STIM1: variants seen among roughly 807,000 people sequenced by gnomAD.
STIM1 encodes stromal interaction molecule 1.
A neutral mutation model predicts 74.7 loss-of-function variants in STIM1; 25 were observed. The ratio of observed to expected loss-of-function variants is 0.33; its 90% CI spans 0.24 to 0.47. The LOEUF (loss-of-function observed/expected upper bound fraction) is 0.47. Among genes scored for constraint, STIM1 ranks in the 20% least tolerant of loss-of-function variants. The pLI is 1.00. For synonymous variants in STIM1, 328 were observed against 348.8 expected (o/e 0.94, Z 0.66); for missense variants, 728 against 920.8 (o/e 0.79, Z 2.71).
chr11:4,020,446 T>C (rs1167999456), intron 2 of STIM1, among the ~76,000 whole-genome samples: 1 of 152,210 alleles, frequency 6.6e-6, no homozygotes, highest in Non-Finnish European at 1.5e-5. Context: ...TTTCTCTATA[T>C]CCTTGGCAGC....
intron 1 of STIM1, among the ~76,000 whole-genome samples, chr11:3,924,527 C>G (rs2092764382): frequency 6.6e-6 from 1 of 151,922 alleles, no homozygotes; most frequent in African/African-American, 2.4e-5. Flanking sequence ...TTTTTTCCCC[C>G]CTAAGTATTT....
intron 1 of STIM1, among the ~76,000 whole-genome samples, chr11:3,871,568 C>T (rs1426268094): frequency 1.3e-5 from 2 of 152,146 alleles, no homozygotes; most frequent in African/African-American, 2.4e-5. Flanking sequence ...AGGAGGAATA[C>T]AAGATTTTCT....
In STIM1 at chr11:3,856,123, AG is replaced by A. The variant is rs778203180; in HGVS notation, c.-143del. 33 of 1,011,026 alleles carry A rather than the reference AG, an allele frequency of 3.3e-5. No individual in the cohort carries two copies. The highest frequency in any genetic ancestry group is 1.8e-4 in the South Asian group (13 of 72,968). 62.6% of individuals were successfully genotyped at this position (1,011,026 alleles called of 1,614,324 possible). A position where few individuals can be genotyped will look rare whatever the true frequency, so the allele number is the denominator to read the frequency against. ...GGAGCACTTGACCTTTGGCTGTTGG[AG>A]GGGGCAGGCTCGCGGGTGGCTGGAC... On this transcript the variant is annotated 5_prime_UTR_variant, in exon 1 of 13. Coordinates refer to ENST00000526596, the MANE Select transcript of STIM1 (RefSeq NM_001382567.1).
At chr11:3,995,992 C>G (rs554552905) in intron 2 of STIM1, among the ~76,000 whole-genome samples, 2 of 152,256 alleles carry the variant, frequency 1.3e-5, no homozygotes, top group South Asian at 4.1e-4. Flanking sequence ...AGCAAATTCT[C>G]TAGTCTACAG....
At chr11:3,910,351 G>A (rs562732304) in intron 1 of STIM1, among the ~76,000 whole-genome samples, 12 of 152,288 alleles carry the variant, frequency 7.9e-5, no homozygotes, top group African/African-American at 2.2e-4. Flanking sequence ...AGTATCTGGC[G>A]TATCCATCTG....
At chr11:4,004,038 G>A (rs927791185) in intron 2 of STIM1, among the ~76,000 whole-genome samples, 2 of 152,162 alleles carry the variant, frequency 1.3e-5, no homozygotes, top group Non-Finnish European at 2.9e-5. Flanking sequence ...TAGAAGGGAC[G>A]TGAATGACCT....
intron 1 of STIM1, among the ~76,000 whole-genome samples, chr11:3,891,742 T>C (rs990930893): frequency 6.6e-6 from 1 of 152,216 alleles, no homozygotes; most frequent in Non-Finnish European, 1.5e-5. Flanking sequence ...TTTTTACCAA[T>C]GTGTTTATCT....
chr11:3,969,438 T>C (rs191088037), intron 2 of STIM1, among the ~76,000 whole-genome samples: 13 of 152,166 alleles, frequency 8.5e-5, no homozygotes, highest in African/African-American at 3.1e-4. Flanking sequence ...ACTATGATCA[T>C]GCCATTGCAC....
At chr11:3,964,447 T>C (rs912406958) in intron 1 of STIM1, among the ~76,000 whole-genome samples, 1 of 152,340 alleles carries the variant, frequency 6.6e-6, no homozygotes. Context: ...AATCCTTCTC[T>C]ATGTCATCTG....
chr11:4,024,068 A>G (rs2093979640), intron 3 of STIM1, 81 bp downstream of exon 3: 9 of 1,175,522 alleles, frequency 7.7e-6, no homozygotes, highest in Non-Finnish European at 1.0e-5. Flanking sequence ...TTAGAAGAAC[A>G]TGTATATAAA....
At chr11:4,045,626 A>AT (rs1447235918) in intron 3 of STIM1, among the ~76,000 whole-genome samples, 10 of 150,342 alleles carry the variant, frequency 6.7e-5, no homozygotes, top group Admixed American at 6.6e-4. Flanking sequence ...ATTTTTTAAT[A>AT]TTTTTTTGTA....
Position 3,856,239 on chromosome 11 carries a change from C to T in STIM1, c.-32C>T. 6.2e-7 allele frequency: 1 copy of T among 1,613,776 alleles called. No homozygotes were observed. The highest frequency in any genetic ancestry group is 8.5e-7 in the Non-Finnish European group (1 of 1,180,016). On this transcript the variant is annotated 5_prime_UTR_variant, in exon 1 of 13. Transcript: ENST00000526596. ...TGCCTCTGGGATCCCGAGGTGTCCA[C>T]ATCAGACGCATGTTGACTGAGACCT... is the stretch of plus-strand genomic sequence containing the variant.
rs559892176 is a variant in STIM1 at position 3,906,366 on chromosome 11, A to G, written c.139+49957A>G. Among the ~76,000 whole-genome samples the G allele has an allele frequency of 4.7e-4, 71 of 152,348 alleles. 2 individuals carry two copies. Among genetic ancestry groups the G allele is most frequent in the African/African-American group, 1.6e-3 (68 of 41,578 alleles). ...TTTGCATATTTACTTGATGTAAGGT[A>G]GGGACTGTGTTTTACTCATCCTTGT... On this transcript the variant is annotated intron_variant, in intron 1 of 12. Coordinates refer to ENST00000526596, the MANE Select transcript of STIM1 (RefSeq NM_001382567.1).
chr11:3,920,984 CGG>C (rs1565115966), intron 1 of STIM1, among the ~76,000 whole-genome samples: 1 of 151,892 alleles, frequency 6.6e-6, no homozygotes, highest in African/African-American at 2.4e-5. Flanking sequence ...TTAGTAGAGA[CGG>C]GGTTTCACCA....
At chr11:3,942,692 C>T (rs1251789636) in intron 1 of STIM1, among the ~76,000 whole-genome samples, 4 of 152,148 alleles carry the variant, frequency 2.6e-5, no homozygotes, top group African/African-American at 9.7e-5. Flanking sequence ...GGACTTTTAT[C>T]TTTATCTTTG....
At chr11:3,961,190 AT>A (rs1192185690) in intron 1 of STIM1, 2 of 162,152 alleles carry the variant, frequency 1.2e-5, no homozygotes, top group Non-Finnish European at 2.7e-5. Flanking sequence ...GGGTCTCACT[AT>A]GTTGCCCAGA....
chr11:3,973,914 CT>C, intron 2 of STIM1: 3 of 491,480 alleles, frequency 6.1e-6, no homozygotes, highest in Admixed American at 3.2e-5. Flanking sequence ...TAAAATGTAT[CT>C]TTTTTAAAGC....
intron 1 of STIM1, among the ~76,000 whole-genome samples, chr11:3,951,434 T>A (rs924426100): frequency 6.6e-6 from 1 of 152,208 alleles, no homozygotes; most frequent in Non-Finnish European, 1.5e-5. Context: ...ATGTCTCTTT[T>A]GGAGCCCAGG....
intron 2 of STIM1, among the ~76,000 whole-genome samples, chr11:3,974,669 G>A (rs963441368): frequency 1.3e-5 from 2 of 152,118 alleles, no homozygotes; most frequent in African/African-American, 2.4e-5. Context: ...GGATAGCAGA[G>A]GCTATGTATT....
Sources: allele counts gnomAD v4.1 joint callset (sites outside exome capture counted in the v4.1 genomes callset), GRCh38; gene constraint gnomAD v4.1.1; transcripts MANE v1.5; gene names NCBI Gene and HGNC (gene_info 2026-07-23, HGNC 2026-07-21).